Variants in ADGRV1 observed in about 807,000 individuals in gnomAD.
ADGRV1 encodes adhesion G protein-coupled receptor V1, also known as G-protein coupled receptor 98.
Under a neutral mutation model 596.2 loss-of-function variants are expected in ADGRV1, and 359 were observed. That is an observed-to-expected ratio of 0.60 (90% CI 0.55 to 0.66). The LOEUF (loss-of-function observed/expected upper bound fraction) is 0.66, where lower values mean the gene tolerates loss of function less well. ADGRV1 is among the 30% of genes least tolerant of loss of function. The pLI is 0.00. For missense variants in ADGRV1, 7,274 were observed against 7,575.6 expected (o/e 0.96, Z 1.48); for synonymous variants, 2,681 against 2,679.2 (o/e 1.00, Z -0.02).
In ADGRV1 at chr5:90,704,500, T is replaced by C. The variant is rs780022610; in HGVS notation, c.8386+12T>C. On this transcript the variant is annotated intron_variant, in intron 36 of 89. Transcript: ENST00000405460. ...TGTCAGGACACAAGGTAATTCAGAA[T>C]TTAATTTTAATTTTTTTTGGTATAT... 17 of 1,462,014 alleles carry C rather than the reference T, an allele frequency of 1.2e-5. No individual in the cohort carries two copies. In the South Asian group the frequency reaches 2.2e-4, roughly 19 times the overall value. The allele number at this position is 1,462,014 out of a possible 1,614,324, so 90.6% of individuals were successfully genotyped here.
intron 83 of ADGRV1, among the ~76,000 whole-genome samples, chr5:90,933,892 C>T (rs547216832): frequency 3.3e-5 from 5 of 152,156 alleles, no homozygotes; most frequent in Non-Finnish European, 5.9e-5. Flanking sequence ...CAATTCTGGT[C>T]TCCTTTGGCC....
At chr5:90,946,069 T>A (rs142271216) in intron 83 of ADGRV1, among the ~76,000 whole-genome samples, 201 of 152,252 alleles carry the variant, frequency 1.3e-3, no homozygotes, top group African/African-American at 4.2e-3. Flanking sequence ...AAGGATTATC[T>A]TCCGAAGGAA....
chr5:91,129,867 G>A (rs1370102790), intron 87 of ADGRV1, among the ~76,000 whole-genome samples: 1 of 152,172 alleles, frequency 6.6e-6, no homozygotes, highest in African/African-American at 2.4e-5. Flanking sequence ...GAGTTCAACT[G>A]AGACTAGAGT....
At chr5:90,907,860 TTTG>T (rs1296697677) in intron 83 of ADGRV1, among the ~76,000 whole-genome samples, 1 of 152,084 alleles carries the variant, frequency 6.6e-6, no homozygotes, top group Non-Finnish European at 1.5e-5. Flanking sequence ...CAAATTATTT[TTTG>T]TTTTTGAAAT....
rs1176663226 is a variant in ADGRV1, at chr5:90,721,069, A to G, written c.9748+10A>G. Reference sequence around the variant, plus strand: ...ACAGCCTTTGGCATGAGTATGTTTCATTTCTTATGAGAACAAAATTCTGTA... The same window carrying G: ...ACAGCCTTTGGCATGAGTATGTTTCGTTTCTTATGAGAACAAAATTCTGTA... On this transcript the variant is annotated intron_variant, in intron 45 of 89. Transcript: ENST00000405460. 1 of 1,605,448 alleles carries G rather than the reference A, an allele frequency of 6.2e-7. No homozygotes were observed. The highest frequency in any genetic ancestry group is 8.5e-7 in the Non-Finnish European group (1 of 1,176,094).
chr5:90,957,613 A>G (rs1235347552), intron 83 of ADGRV1, among the ~76,000 whole-genome samples: 1 of 147,968 alleles, frequency 6.8e-6, no homozygotes, highest in African/African-American at 2.5e-5. Context: ...ATATATTTTA[A>G]CTATATATGT....
chr5:91,028,713 A>G (rs1436637115), intron 85 of ADGRV1, among the ~76,000 whole-genome samples: 1 of 150,236 alleles, frequency 6.7e-6, no homozygotes, highest in Admixed American at 6.6e-5. Flanking sequence ...CCAAAGTCCA[A>G]GTGAAAACAC....
chr5:91,120,893 G>A (rs751194293), intron 87 of ADGRV1, among the ~76,000 whole-genome samples: 3 of 152,080 alleles, frequency 2.0e-5, no homozygotes, highest in Non-Finnish European at 2.9e-5. Context: ...ATAGAATGGG[G>A]CCAGGCACTA....
At chr5:91,136,604 T>C (rs1794659692) in intron 87 of ADGRV1, among the ~76,000 whole-genome samples, 1 of 152,246 alleles carries the variant, frequency 6.6e-6, no homozygotes, top group African/African-American at 2.4e-5. Flanking sequence ...CCTTTCTTTA[T>C]AAATTTGATC....
chr5:91,057,568 T>C (rs1484112617), intron 85 of ADGRV1, among the ~76,000 whole-genome samples: 2 of 152,264 alleles, frequency 1.3e-5, no homozygotes, highest in Non-Finnish European at 2.9e-5. Flanking sequence ...TACTCTGCTG[T>C]TCCTATTTTA....
chr5:90,795,070 C>T (rs970810468), intron 70 of ADGRV1, among the ~76,000 whole-genome samples: 2 of 151,088 alleles, frequency 1.3e-5, no homozygotes, highest in South Asian at 2.1e-4. Flanking sequence ...GGGCAGACAC[C>T]GATCTAGCTG....
At position 90,629,194 on chromosome 5, in the gene ADGRV1, T is replaced by G; in HGVS notation, c.1510-16T>G. 6.9e-7 allele frequency: 1 copy of G among 1,444,314 alleles called. No homozygotes were observed. Among genetic ancestry groups the G allele is most frequent in the Non-Finnish European group, 9.3e-7 (1 of 1,078,280 alleles). The allele number at this position is 1,444,314 out of a possible 1,614,324, so 89.5% of individuals were successfully genotyped here. A position where few individuals can be genotyped will look rare whatever the true frequency, so the allele number is the denominator to read the frequency against. On this transcript the variant is annotated splice_polypyrimidine_tract_variant and intron_variant, in intron 8 of 89. Transcript: ENST00000405460. ...GCGAGAATTCTGTACTTTAATATTT[T>G]ATTCCTTTACTTCAGCTTTTGTTCT...
At chr5:90,847,693 C>T (rs763663787) in intron 78 of ADGRV1, among the ~76,000 whole-genome samples, 50 of 152,208 alleles carry the variant, frequency 3.3e-4, no homozygotes, top group Non-Finnish European at 5.6e-4. Flanking sequence ...GGCAAGAAGT[C>T]GAGCACGGCA....
intron 85 of ADGRV1, among the ~76,000 whole-genome samples, chr5:91,037,222 T>G (rs888522567): frequency 2.8e-4 from 43 of 152,268 alleles, no homozygotes; most frequent in African/African-American, 9.9e-4. Context: ...TTATAACAGG[T>G]ACAAGCAAAC....
intron 45 of ADGRV1, among the ~76,000 whole-genome samples, chr5:90,721,854 A>G (rs545683647): frequency 6.8e-6 from 1 of 147,062 alleles, no homozygotes; most frequent in Admixed American, 7.1e-5. Context: ...TGGAGGTGAG[A>G]GTGAGAAGCT....
intron 32 of ADGRV1, 43 bp downstream of exon 32, chr5:90,692,829 T>C: frequency 2.1e-6 from 3 of 1,456,250 alleles, no homozygotes; most frequent in Non-Finnish European, 2.8e-6. Flanking sequence ...TGATGAGAAT[T>C]GTGGGGTGGT....
chr5:90,830,765 A>G (rs1764455623), intron 77 of ADGRV1, among the ~76,000 whole-genome samples: 1 of 152,148 alleles, frequency 6.6e-6, no homozygotes, highest in African/African-American at 2.4e-5. Flanking sequence ...CAGAGTACCC[A>G]TATATCTGGT....
At chr5:91,036,085 C>T (rs1167084304) in intron 85 of ADGRV1, among the ~76,000 whole-genome samples, 2 of 135,630 alleles carry the variant, frequency 1.5e-5, no homozygotes, top group African/African-American at 5.3e-5. Context: ...TTCTAATATA[C>T]ACTAAATGAA....
At chr5:91,153,150 T>G in intron 88 of ADGRV1, 71 bp from the exon 89 acceptor site, 3 of 1,289,254 alleles carry the variant, frequency 2.3e-6, no homozygotes, top group Non-Finnish European at 3.3e-6. Context: ...CAATTGTCCA[T>G]TTGGGTTTCA....
Sources: allele counts gnomAD v4.1 joint callset (sites outside exome capture counted in the v4.1 genomes callset), GRCh38; gene constraint gnomAD v4.1.1; transcripts MANE v1.5; gene names NCBI Gene and HGNC (gene_info 2026-07-23, HGNC 2026-07-21).